Variants in ZNF100 observed in about 807,000 individuals in gnomAD.
ZNF100 encodes zinc finger protein 100, also known as zinc finger protein 100 (Y1).
In ZNF100, 12 loss-of-function variants were observed where a neutral mutation model predicts 15.8. The ratio of observed to expected loss-of-function variants is 0.76; its 90% confidence interval spans 0.49 to 1.23. The LOEUF (loss-of-function observed/expected upper bound fraction) is 1.23, where lower values mean the gene tolerates loss of function less well. Among genes scored for constraint, ZNF100 ranks in the 50% most tolerant of loss-of-function variants. The pLI, the probability that ZNF100 is intolerant of heterozygous loss-of-function variation, is 0.00. For missense variants in ZNF100, 670 were observed against 635.6 expected (o/e 1.05, Z -0.58); for synonymous variants, 226 against 214.8 (o/e 1.05, Z -0.45).
chr19:21,767,064 G>A (rs1401247737), intron 1 of ZNF100, among the ~76,000 whole-genome samples: 26 of 152,280 alleles, frequency 1.7e-4, no homozygotes, highest in Admixed American at 1.6e-3. Flanking sequence ...AGAGGAACTG[G>A]GAAAGCCACG....
At position 21,726,551 on chromosome 19, in the gene ZNF100, TTATG is replaced by T; in HGVS notation, c.*128_*131del. 1 of 774,640 alleles carries T rather than the reference TTATG, an allele frequency of 1.3e-6. No individual in the cohort carries two copies. Among genetic ancestry groups the T allele is most frequent in the Non-Finnish European group, 1.9e-6 (1 of 514,774 alleles). The allele number at this position is 774,640 out of a possible 1,614,324, so 48.0% of individuals were successfully genotyped here. A position where few individuals can be genotyped will look rare whatever the true frequency, so the allele number is the denominator to read the frequency against. ...GAATTTCTCTCTAGTATGAATTATC[TTATG>T]TCTGTTAGGAATTGAGAATTTATTA... On this transcript the variant is annotated 3_prime_UTR_variant, in exon 5 of 5. Coordinates refer to ENST00000358296, the MANE Select transcript of ZNF100 (RefSeq NM_173531.4).
intron 4 of ZNF100, among the ~76,000 whole-genome samples, chr19:21,731,314 TTTTTTA>T (rs1328125310): frequency 1.6e-4 from 22 of 138,040 alleles, no homozygotes; most frequent in East Asian, 1.6e-3. Context: ...TTTTTTTTTA[TTTTTTA>T]TTTTTTGAGA....
In ZNF100 at chr19:21,767,369, C is replaced by T. The variant is rs562591869; in HGVS notation, c.3+58G>A. On this transcript the variant is annotated intron_variant, in intron 1 of 4. Transcript: ENST00000358296. Reference sequence around the variant, plus strand: ...CCTGAGTCCCGCCACAGCTACTTCCCACCAGTTCCAACCAGCCCTTTCGCC... The same window carrying T: ...CCTGAGTCCCGCCACAGCTACTTCCTACCAGTTCCAACCAGCCCTTTCGCC... The T allele has an allele frequency of 5.6e-6, 9 of 1,613,566 alleles. No homozygotes were observed. The South Asian group carries it at 8.8e-5, about 16-fold the overall frequency.
At chr19:21,759,629 T>C (rs1267707384) in intron 2 of ZNF100, among the ~76,000 whole-genome samples, 1 of 152,084 alleles carries the variant, frequency 6.6e-6, no homozygotes, top group African/African-American at 2.4e-5. Context: ...ATAAAACAGT[T>C]TGCAGTAAAG....
intron 4 of ZNF100, among the ~76,000 whole-genome samples, chr19:21,738,377 CA>C (rs1292758889): frequency 2.9e-5 from 4 of 139,232 alleles, no homozygotes; most frequent in African/African-American, 1.1e-4. Flanking sequence ...GCAAAAAGAA[CA>C]AAGCTGGAGG....
At chr19:21,728,056 T>C in intron 4 of ZNF100, 67 bp from the exon 5 acceptor site, 1 of 1,350,690 alleles carries the variant, frequency 7.4e-7, no homozygotes, top group Non-Finnish European at 9.6e-7. Context: ...ATCTAACCTC[T>C]AATATACAAA....
chr19:21,728,350 T>C (rs746517953), intron 4 of ZNF100, among the ~76,000 whole-genome samples: 12 of 152,098 alleles, frequency 7.9e-5, no homozygotes, highest in Non-Finnish European at 1.3e-4. Context: ...CACATTTATC[T>C]TTATTACTTG....
chr19:21,734,219 T>G (rs2035970926), intron 4 of ZNF100, among the ~76,000 whole-genome samples: 1 of 152,124 alleles, frequency 6.6e-6, no homozygotes, highest in African/African-American at 2.4e-5. Context: ...CTGAGATGGA[T>G]AAACTGACAG....
chr19:21,766,717 G>A (rs2036569122), intron 1 of ZNF100, among the ~76,000 whole-genome samples: 1 of 152,166 alleles, frequency 6.6e-6, no homozygotes, highest in Non-Finnish European at 1.5e-5. Context: ...CTTTAGGCCA[G>A]GCGCGGTGGC....
At chr19:21,740,407 TACA>T (rs2036087057) in intron 4 of ZNF100, among the ~76,000 whole-genome samples, 1 of 152,026 alleles carries the variant, frequency 6.6e-6, no homozygotes, top group African/African-American at 2.4e-5. Context: ...TTTTCTTAGA[TACA>T]ACATTAAATG....
At chr19:21,744,371 A>G (rs1340120558) in intron 3 of ZNF100, among the ~76,000 whole-genome samples, 1 of 152,110 alleles carries the variant, frequency 6.6e-6, no homozygotes, top group African/African-American at 2.4e-5. Flanking sequence ...ATGTACATAT[A>G]TATACATTTA....
In ZNF100 at chr19:21,745,563, C is replaced by T. The variant is rs571505266; in HGVS notation, c.97-496G>A. 9.2e-5 allele frequency among the ~76,000 whole-genome samples: 14 copies of T among 151,506 alleles called. No individual in the cohort carries two copies. In the South Asian group the frequency reaches 1.3e-3, roughly 14 times the overall value. ...CGGAGTCTCGCTCTGTCGCCCAGGC[C>T]GGACTGCGGACTGCAGTGGCGCAAT... On this transcript the variant is annotated intron_variant, in intron 2 of 4. Transcript: ENST00000358296.
rs555224659 is a variant in ZNF100, at chr19:21,739,722, A to G, written c.322+4295T>C. 2.6e-5 allele frequency among the ~76,000 whole-genome samples: 4 copies of G among 152,236 alleles called. No individual in the cohort carries two copies. In the South Asian group the frequency reaches 8.3e-4, roughly 32 times the overall value. On this transcript the variant is annotated intron_variant, in intron 4 of 4. Coordinates refer to ENST00000358296, the MANE Select transcript of ZNF100 (RefSeq NM_173531.4). ...GAGTGCAATGGCTCACACCTGTAATACTACCATTTTGGGAGGCTGAGGCAA... is the reference window on the plus strand; with the variant it reads ...GAGTGCAATGGCTCACACCTGTAATGCTACCATTTTGGGAGGCTGAGGCAA...
chr19:21,756,841 C>T (rs1031193225), intron 2 of ZNF100, among the ~76,000 whole-genome samples: 1 of 152,176 alleles, frequency 6.6e-6, no homozygotes, highest in Admixed American at 6.5e-5. Flanking sequence ...TCAAACTACA[C>T]TACAGGGCTA....
In ZNF100 at chr19:21,727,361, G is replaced by A. The variant is rs747639926; in HGVS notation, c.951C>T (p.Tyr317=). 6.2e-7 allele frequency: 1 copy of A among 1,612,930 alleles called. No individual in the cohort carries two copies. Among genetic ancestry groups the A allele is most frequent in the Admixed American group, 1.7e-5 (1 of 59,990 alleles). Residue 317 remains tyrosine (Y), a synonymous_variant, in exon 5 of 5, where the codon TAC becomes TAT. Transcript: ENST00000358296. ...HKRIHTGVKP[Y]KCTECGKAFN... ...AAGCTTTGCCACATTCTGTACATTT[G>A]TAGGGTTTCACTCCAGTATGAATTC...
chr19:21,726,034 A>G lies in ZNF100; in HGVS notation c.*649T>C, dbSNP rs2035777105. 1 of 152,176 alleles carries G rather than the reference A, an allele frequency of 6.6e-6. No homozygotes were observed. The highest frequency in any genetic ancestry group is 2.4e-5 in the African/African-American group (1 of 41,464). 9.4% of individuals were successfully genotyped at this position (152,176 alleles called of 1,614,324 possible). ...CAATATAAATTCCCTGATATTGAAC[A>G]AAGTTTGAGCAACTGCTTCAGAGGT... On this transcript the variant is annotated 3_prime_UTR_variant, in exon 5 of 5. Transcript: ENST00000358296.
At chr19:21,757,507 T>A (rs578255600) in intron 2 of ZNF100, among the ~76,000 whole-genome samples, 1 of 152,328 alleles carries the variant, frequency 6.6e-6, no homozygotes, top group Admixed American at 6.5e-5. Context: ...TATACACTGT[T>A]GGTGCGAGTG....
chr19:21,736,539 G>C (rs914190187), intron 4 of ZNF100, among the ~76,000 whole-genome samples: 3 of 152,150 alleles, frequency 2.0e-5, no homozygotes, highest in Non-Finnish European at 4.4e-5. Context: ...CTCAGCTCTA[G>C]GTCAAGTGGA....
At chr19:21,745,863 T>A (rs1389176383) in intron 2 of ZNF100, among the ~76,000 whole-genome samples, 2 of 152,176 alleles carry the variant, frequency 1.3e-5, no homozygotes, top group Non-Finnish European at 2.9e-5. Flanking sequence ...AATGCCAAAG[T>A]TTTTGGCCCC....
Sources: gnomAD v4.1 joint callset for allele counts (sites outside exome capture counted in the v4.1 genomes callset) on GRCh38, gnomAD v4.1.1 for gene constraint, MANE v1.5 for transcripts, NCBI Gene and HGNC (gene_info 2026-07-23, HGNC 2026-07-21) for gene names.